The following TTLL11 variants were observed in gnomAD, a reference collection of about 807,000 sequenced individuals.
The protein encoded by TTLL11 is tubulin polyglutamylase TTLL11.
In TTLL11, 42 loss-of-function variants were observed where a neutral mutation model predicts 51.7. The observed-to-expected ratio is 0.81, with a 90% CI of 0.64 to 1.05. The LOEUF (loss-of-function observed/expected upper bound fraction) is 1.05. Among genes scored for constraint, TTLL11 ranks in the 50% least tolerant of loss-of-function variants. TTLL11 has a pLI of 0.00. For missense variants in TTLL11, 799 were observed against 940.4 expected, an observed-to-expected ratio of 0.85 and a Z score of 1.97; for synonymous variants, 381 against 383.5, an observed-to-expected ratio of 0.99 and a Z score of 0.08.
At chr9:121,862,233 A>C (rs1465010957) in intron 7 of TTLL11, among the ~76,000 whole-genome samples, 1 of 151,526 alleles carries the variant, frequency 6.6e-6, no homozygotes, top group African/African-American at 2.4e-5. Context: ...TGCCAAAAAG[A>C]GCATGATTTA....
At chr9:121,993,590 G>A (rs1444935089) in intron 3 of TTLL11, among the ~76,000 whole-genome samples, 1 of 152,208 alleles carries the variant, frequency 6.6e-6, no homozygotes, top group Admixed American at 6.5e-5. Flanking sequence ...CACACAAGTG[G>A]CATTCATCAC....
At chr9:122,085,468 A>G (rs1044613233) in intron 1 of TTLL11, among the ~76,000 whole-genome samples, 1 of 152,186 alleles carries the variant, frequency 6.6e-6, no homozygotes, top group Non-Finnish European at 1.5e-5. Context: ...CGCTGCAGCC[A>G]TCTGTGAGTG....
intron 6 of TTLL11, among the ~76,000 whole-genome samples, chr9:121,907,387 T>G (rs183140166): frequency 5.3e-5 from 8 of 151,536 alleles, no homozygotes; most frequent in Non-Finnish European, 1.0e-4. Context: ...GAGGTGGAGG[T>G]TGCAGTGAGC....
At chr9:122,070,491 G>C (rs77897040) in intron 1 of TTLL11, among the ~76,000 whole-genome samples, 2 of 151,052 alleles carry the variant, frequency 1.3e-5, no homozygotes, top group African/African-American at 4.9e-5. Context: ...TTGTCCCCTC[G>C]GCCCCTGCAG....
chr9:121,999,579 A>G (rs1843400485), intron 3 of TTLL11, among the ~76,000 whole-genome samples: 2 of 152,184 alleles, frequency 1.3e-5, no homozygotes, highest in African/African-American at 4.8e-5. Flanking sequence ...AATTGCTGCA[A>G]TAGCTTCCTA....
intron 6 of TTLL11, among the ~76,000 whole-genome samples, chr9:121,905,900 C>T (rs1435051598): frequency 6.6e-6 from 1 of 152,146 alleles, no homozygotes; most frequent in Non-Finnish European, 1.5e-5. Context: ...CCTTGATATA[C>T]AATCTGGCTT....
At chr9:121,873,295 C>T (rs1007726067) in intron 6 of TTLL11, among the ~76,000 whole-genome samples, 1 of 151,970 alleles carries the variant, frequency 6.6e-6, no homozygotes, top group African/African-American at 2.4e-5. Context: ...GCACCTGTAT[C>T]ATCTAGCTGA....
chr9:122,092,908 G>A lies in TTLL11; in HGVS notation c.241C>T (p.Leu81Phe), dbSNP rs1846304364. Residue 81 changes from leucine (L) to phenylalanine (F), a missense_variant, in exon 1 of 9, where the codon CTT becomes TTT. Coordinates refer to ENST00000321582, the MANE Select transcript of TTLL11 (RefSeq NM_001139442.2). ...SAAEEGNTQV[L>F]QRPPPTLPPS... ...GGCAGCGTGGGCGGCGGCCGCTGAA[G>A]GACCTGGGTGTTCCCCTCCTCAGCC... The A allele has an allele frequency of 1.3e-6, 2 of 1,575,076 alleles. No individual in the cohort carries two copies. Among genetic ancestry groups the A allele is most frequent in the Admixed American group, 1.8e-5 (1 of 56,802 alleles).
chr9:122,026,042 T>C (rs1844323910), intron 3 of TTLL11, among the ~76,000 whole-genome samples: 1 of 152,198 alleles, frequency 6.6e-6, no homozygotes, highest in Non-Finnish European at 1.5e-5. Flanking sequence ...GGAGTGCCTG[T>C]TATATAATGC....
chr9:121,923,275 C>G (rs1422431108), intron 6 of TTLL11, among the ~76,000 whole-genome samples: 1 of 152,120 alleles, frequency 6.6e-6, no homozygotes, highest in East Asian at 1.9e-4. Context: ...GATTGCATAG[C>G]AATGTGCGGA....
chr9:122,033,019 T>G (rs1158701529), intron 2 of TTLL11, among the ~76,000 whole-genome samples: 3 of 152,128 alleles, frequency 2.0e-5, no homozygotes, highest in Non-Finnish European at 4.4e-5. Flanking sequence ...CAGGCTAGTC[T>G]CGAACTTCTA....
At chr9:121,895,874 G>A (rs1423360173) in intron 6 of TTLL11, among the ~76,000 whole-genome samples, 1 of 107,278 alleles carries the variant, frequency 9.3e-6, no homozygotes. Context: ...GGGTTTGTGT[G>A]ACTGTGTGTC....
chr9:121,952,044 T>A (rs1356882166), intron 6 of TTLL11, among the ~76,000 whole-genome samples: 1 of 152,174 alleles, frequency 6.6e-6, no homozygotes, highest in Non-Finnish European at 1.5e-5. Flanking sequence ...GCAACCTGTT[T>A]TATCAGCAAG....
intron 8 of TTLL11, among the ~76,000 whole-genome samples, chr9:121,826,555 G>GTATATATATATATATATATATATATATA (rs1230489015): frequency 2.1e-5 from 1 of 48,108 alleles, no homozygotes; most frequent in African/African-American, 9.5e-5. Context: ...ATATATGTGT[G>GTATATATATATATATATATATATATATA]TGTATATATA....
In TTLL11 at chr9:122,093,251, CGTT is replaced by C; in HGVS notation, c.-106_-104del. The C allele has an allele frequency of 6.6e-7, 1 of 1,511,374 alleles. No homozygotes were observed. 93.6% of individuals were successfully genotyped at this position (1,511,374 alleles called of 1,614,324 possible). A position where few individuals can be genotyped will look rare whatever the true frequency, so the allele number is the denominator to read the frequency against. On this transcript the variant is annotated 5_prime_UTR_variant, in exon 1 of 9. Transcript: ENST00000321582. ...TGCCGCCGCTGCAGCCGCTGCCACG[CGTT>C]CCCCGCCCGAGCCCGTTGCCATGAT... is the stretch of plus-strand genomic sequence containing the variant.
intron 6 of TTLL11, among the ~76,000 whole-genome samples, chr9:121,936,982 T>A (rs1841253831): frequency 6.6e-6 from 1 of 152,230 alleles, no homozygotes; most frequent in Non-Finnish European, 1.5e-5. Flanking sequence ...ATTTCTGTAA[T>A]GACACCACAA....
chr9:121,997,274 T>G (rs1843304358), intron 3 of TTLL11, among the ~76,000 whole-genome samples: 1 of 152,150 alleles, frequency 6.6e-6, no homozygotes, highest in South Asian at 2.1e-4. Flanking sequence ...CATTTTCCTC[T>G]CAGGTCCCTT....
In TTLL11 at chr9:122,030,538, G is replaced by A. The variant is rs540511278; in HGVS notation, c.693+1185C>T. ...GTTTTAAACCTTACTTCTCAAGCAA[G>A]TTGCTAAATTTTTCAAAGCCTCAGT... On this transcript the variant is annotated intron_variant, in intron 3 of 8. Coordinates refer to ENST00000321582, the MANE Select transcript of TTLL11 (RefSeq NM_001139442.2). Among the ~76,000 whole-genome samples, 3 of 152,214 alleles carry A rather than the reference G, an allele frequency of 2.0e-5. No homozygotes were observed. In the South Asian group the frequency reaches 6.2e-4, roughly 32 times the overall value.
At chr9:122,048,873 C>G (rs9919034) in intron 1 of TTLL11, among the ~76,000 whole-genome samples, 33,326 of 152,026 alleles carry the variant, frequency 0.22, 3,897 homozygotes, top group Non-Finnish European at 0.24. Flanking sequence ...ATCTGTCCAC[C>G]TGGCCACTTT....
Sources: gnomAD v4.1 joint callset for allele counts (sites outside exome capture counted in the v4.1 genomes callset) on GRCh38, gnomAD v4.1.1 for gene constraint, MANE v1.5 for transcripts, NCBI Gene and HGNC (gene_info 2026-07-23, HGNC 2026-07-21) for gene names.